Variants in SIRT1 observed in about 807,000 individuals in gnomAD.
The protein encoded by SIRT1 is NAD-dependent protein deacetylase sirtuin-1.
SIRT1 carries 24 observed loss-of-function variants against 67.9 expected under a neutral mutation model. The ratio of observed to expected loss-of-function variants is 0.35; its 90% CI spans 0.26 to 0.50. SIRT1 has a LOEUF of 0.50. SIRT1 is among the 20% of genes least tolerant of loss of function. SIRT1 has a pLI of 0.98. For missense variants in SIRT1, 873 were observed against 937.2 expected (o/e 0.93, Z 0.89); for synonymous variants, 378 against 350.7 (o/e 1.08, Z -0.87).
At chr10:67,896,905 A>T (rs2131861830) in intron 4 of SIRT1, among the ~76,000 whole-genome samples, 1 of 152,140 alleles carries the variant, frequency 6.6e-6, no homozygotes, top group South Asian at 2.1e-4. Flanking sequence ...TCACAACTTT[A>T]ATCCCAGCCC....
At position 67,891,505 on chromosome 10, in the gene SIRT1, A is replaced by C; in HGVS notation, c.893A>C (p.Asp298Ala). Residue 298 changes from aspartate (D) to alanine (A), a missense_variant, in exon 4 of 9, where the codon GAT becomes GCT. Physicochemically the swap from Asp to Ala is moderately radical, Grantham distance 126 (BLOSUM62 -2). Transcript: ENST00000212015. ...PDLPDPQAMF[D>A]IEYFRKDPRP... ...CTTCCAGATCCTCAAGCGATGTTTG[A>C]TATTGAATATTTCAGAAAAGATCCA... is the stretch of plus-strand genomic sequence containing the variant. 7 of 1,614,156 alleles carry C rather than the reference A, an allele frequency of 4.3e-6. No individual in the cohort carries two copies. Among genetic ancestry groups the C allele is most frequent in the Non-Finnish European group, 5.1e-6 (6 of 1,180,010 alleles).
intron 2 of SIRT1, 35 bp downstream of exon 2, chr10:67,887,568 T>A: frequency 7.0e-7 from 1 of 1,433,972 alleles, no homozygotes; most frequent in Non-Finnish European, 9.8e-7. Context: ...AGAGAGTAAA[T>A]GTACGGTTTT....
intron 4 of SIRT1, among the ~76,000 whole-genome samples, chr10:67,894,022 C>G (rs907141546): frequency 6.6e-6 from 1 of 152,116 alleles, no homozygotes; most frequent in African/African-American, 2.4e-5. Context: ...TGCCTATAAT[C>G]CCAGTGCTTT....
chr10:67,900,487 A>G (rs1302617598), intron 4 of SIRT1, among the ~76,000 whole-genome samples: 1 of 152,030 alleles, frequency 6.6e-6, no homozygotes, highest in Non-Finnish European at 1.5e-5. Context: ...CTGTTATCCA[A>G]GCTGGAGTGT....
chr10:67,907,071 C>G, intron 5 of SIRT1, 134 bp downstream of exon 5: 1 of 786,218 alleles, frequency 1.3e-6, no homozygotes, highest in East Asian at 3.3e-5. Flanking sequence ...TCGATAACCT[C>G]AGAAAAGTAG....
chr10:67,895,760 T>TTTTTTTTTTTA (rs1459241769), intron 4 of SIRT1, among the ~76,000 whole-genome samples: 1 of 137,048 alleles, frequency 7.3e-6, no homozygotes, highest in Non-Finnish European at 1.5e-5. Context: ...TTTTTTTTTT[T>TTTTTTTTTTTA]GAGACAGTTT....
chr10:67,894,866 C>T (rs764886240), intron 4 of SIRT1, among the ~76,000 whole-genome samples: 2 of 152,056 alleles, frequency 1.3e-5, no homozygotes, highest in African/African-American at 2.4e-5. Context: ...CGTGCCATCA[C>T]GATCAGCACT....
chr10:67,901,514 T>C (rs1203483226), intron 4 of SIRT1, among the ~76,000 whole-genome samples: 2 of 152,232 alleles, frequency 1.3e-5, no homozygotes, highest in Non-Finnish European at 2.9e-5. Flanking sequence ...GTAGTAAATA[T>C]GTAGTATGCT....
chr10:67,884,790 G>T lies in SIRT1; in HGVS notation c.69G>T (p.Glu23Asp). ...GSPSAAGADR[E>D]AASSPAGEPL... Reference sequence around the variant, plus strand: ...CCTCGGCGGCGGGGGCCGACAGGGAGGCCGCGTCGTCCCCCGCCGGGGAGC... The same window carrying T: ...CCTCGGCGGCGGGGGCCGACAGGGATGCCGCGTCGTCCCCCGCCGGGGAGC... The change falls in exon 1 of 9, where the codon GAG (glutamate) becomes GAT (aspartate). Residue 23 changes from glutamate to aspartate, a missense_variant. This residue lies in a region of SIRT1 where 327 missense variants were observed against 283.9 expected (regional missense o/e 1.15). Transcript: ENST00000212015. 1 of 1,226,068 alleles carries T rather than the reference G, an allele frequency of 8.2e-7. No homozygotes were observed. The highest frequency in any genetic ancestry group is 3.2e-5 in the East Asian group (1 of 31,406). 75.9% of individuals were successfully genotyped at this position (1,226,068 alleles called of 1,614,324 possible). A position where few individuals can be genotyped will look rare whatever the true frequency, so the allele number is the denominator to read the frequency against.
In SIRT1 at chr10:67,912,611, A is replaced by G. The variant is rs1842916675; in HGVS notation, c.1495A>G (p.Lys499Glu). ...TCATAGGTTAGGTGGTGAATATGCC[A>G]AACTTTGCTGTAACCCTGTAAAGCT... ...LCHRLGGEYA[K>E]LCCNPVKLSE... The change falls in exon 8 of 9, where the codon AAA becomes GAA. Residue 499 changes from lysine (K) to glutamate (E), a missense_variant. Lys to Glu is a moderately conservative substitution (Grantham distance 56). Coordinates refer to ENST00000212015, the MANE Select transcript of SIRT1 (RefSeq NM_012238.5). 1 of 1,614,146 alleles carries G rather than the reference A, an allele frequency of 6.2e-7. No homozygotes were observed. The highest frequency in any genetic ancestry group is 8.5e-7 in the Non-Finnish European group (1 of 1,180,032).
In SIRT1 at chr10:67,917,387, C is replaced by T. The variant is rs2029955181; in HGVS notation, c.*794C>T. 6.6e-6 allele frequency: 1 copy of T among 152,564 alleles called. No homozygotes were observed. Among genetic ancestry groups the T allele is most frequent in the Admixed American group, 6.5e-5 (1 of 15,270 alleles). 9.5% of individuals were successfully genotyped at this position (152,564 alleles called of 1,614,324 possible). On this transcript the variant is annotated 3_prime_UTR_variant, in exon 9 of 9. Coordinates refer to ENST00000212015, the MANE Select transcript of SIRT1 (RefSeq NM_012238.5). Reference sequence around the variant, plus strand: ...TTCAGTTGCTTTAGAAACATTAGTGCCTGCCTGGATCCCCTTAGTTTTGAA... The same window carrying T: ...TTCAGTTGCTTTAGAAACATTAGTGTCTGCCTGGATCCCCTTAGTTTTGAA...
At chr10:67,908,827 G>A (rs1346176442) in intron 6 of SIRT1, among the ~76,000 whole-genome samples, 1 of 152,114 alleles carries the variant, frequency 6.6e-6, no homozygotes, top group Non-Finnish European at 1.5e-5. Context: ...ATTTGAACTC[G>A]GGAGGTGGAG....
intron 7 of SIRT1, 65 bp from the exon 8 acceptor site, chr10:67,912,409 G>A (rs2131889345): frequency 7.1e-7 from 1 of 1,403,834 alleles, no homozygotes; most frequent in Middle Eastern, 2.6e-4. Flanking sequence ...TAATGTATCT[G>A]TTGTGGTTTT....
intron 4 of SIRT1, among the ~76,000 whole-genome samples, chr10:67,897,996 C>T (rs1442379151): frequency 4.3e-5 from 5 of 117,076 alleles, no homozygotes; most frequent in South Asian, 3.1e-4. Context: ...TTCGGCTGGG[C>T]GTGGTGGCTC....
chr10:67,904,130 T>TG lies in SIRT1; in HGVS notation c.943-2660_943-2659insG, dbSNP rs61293575. ...GATTTTTTAGTTTTTTTTGTTTGTT[T>TG]TTTTTTTTTTTTTTTTTAAAGGCTC... On this transcript the variant is annotated intron_variant, in intron 4 of 8. Transcript: ENST00000212015. Among the ~76,000 whole-genome samples, 1,237 of 143,172 alleles carry TG rather than the reference T, an allele frequency of 8.6e-3. 26 individuals carry two copies. The highest frequency in any genetic ancestry group is 0.025 in the African/African-American group (980 of 39,388). 93.9% of individuals were successfully genotyped at this position (143,172 alleles called of 152,430 possible).
chr10:67,918,373 C>CT lies in SIRT1; in HGVS notation c.*1786dup, dbSNP rs1004195059. 45 of 152,640 alleles carry CT rather than the reference C, an allele frequency of 2.9e-4. No homozygotes were observed. Among genetic ancestry groups the CT allele is most frequent in the African/African-American group, 1.1e-3 (44 of 41,540 alleles). 9.5% of individuals were successfully genotyped at this position (152,640 alleles called of 1,614,324 possible). A position where few individuals can be genotyped will look rare whatever the true frequency, so the allele number is the denominator to read the frequency against. ...AAAGTCTATTAAAATTGTCATTTGA[C>CT]TTTTTTCTGTTAACTTACATTGTTT... On this transcript the variant is annotated 3_prime_UTR_variant, in exon 9 of 9. Coordinates refer to ENST00000212015, the MANE Select transcript of SIRT1 (RefSeq NM_012238.5).
chr10:67,894,772 C>T (rs1342125030), intron 4 of SIRT1, among the ~76,000 whole-genome samples: 2 of 152,072 alleles, frequency 1.3e-5, no homozygotes, highest in East Asian at 1.9e-4. Context: ...TGCATTGGCG[C>T]GATCTCGGCT....
intron 7 of SIRT1, among the ~76,000 whole-genome samples, chr10:67,912,044 G>C (rs1484627545): frequency 6.6e-6 from 1 of 152,104 alleles, no homozygotes; most frequent in Non-Finnish European, 1.5e-5. Flanking sequence ...GATTACAGGC[G>C]TGAGCCACTG....
chr10:67,910,373 T>C (rs1842881204), intron 7 of SIRT1, among the ~76,000 whole-genome samples: 1 of 152,074 alleles, frequency 6.6e-6, no homozygotes, highest in Non-Finnish European at 1.5e-5. Flanking sequence ...GGACTCTGTC[T>C]CAAAAAATCA....
Sources: allele counts gnomAD v4.1 joint callset (sites outside exome capture counted in the v4.1 genomes callset), GRCh38; gene constraint gnomAD v4.1.1; regional missense constraint gnomAD v4.1.1; transcripts MANE v1.5; gene names NCBI Gene and HGNC (gene_info 2026-07-23, HGNC 2026-07-21).